Variants in CTDSPL2 observed in about 807,000 individuals in gnomAD.
CTDSPL2 encodes the protein CTD small phosphatase like 2.
In CTDSPL2, 5 loss-of-function variants were observed where a neutral mutation model predicts 60.0. The observed-to-expected ratio is 0.08, with a 90% CI of 0.04 to 0.18. CTDSPL2 has a LOEUF of 0.18. Ranked by LOEUF, CTDSPL2 falls within the 10% of genes least tolerant of loss-of-function variation. The pLI is 1.00. For missense variants in CTDSPL2, 370 were observed against 548.8 expected (o/e 0.67, Z 3.26); for synonymous variants, 186 against 189.3 (o/e 0.98, Z 0.14).
At chr15:44,453,282 A>G (rs2080366679) in intron 1 of CTDSPL2, among the ~76,000 whole-genome samples, 1 of 152,086 alleles carries the variant, frequency 6.6e-6, no homozygotes, top group African/African-American at 2.4e-5. Context: ...GGTTTTTCAT[A>G]AATACCTTTT....
chr15:44,470,972 C>A (rs752784344), intron 2 of CTDSPL2, among the ~76,000 whole-genome samples: 2 of 152,168 alleles, frequency 1.3e-5, no homozygotes, highest in East Asian at 3.9e-4. Context: ...TACACCTGTT[C>A]AAAGTGTTTG....
intron 4 of CTDSPL2, among the ~76,000 whole-genome samples, chr15:44,489,078 T>A (rs1351582449): frequency 6.6e-6 from 1 of 152,034 alleles, no homozygotes; most frequent in Non-Finnish European, 1.5e-5. Context: ...TCTGTCTCTC[T>A]CTCCCCACCC....
At chr15:44,509,082 T>C (rs1358647905) in intron 8 of CTDSPL2, among the ~76,000 whole-genome samples, 1 of 152,248 alleles carries the variant, frequency 6.6e-6, no homozygotes, top group African/African-American at 2.4e-5. Flanking sequence ...TTACTAAGTA[T>C]ATAACTTGAA....
At chr15:44,509,278 T>A (rs2081525400) in intron 8 of CTDSPL2, among the ~76,000 whole-genome samples, 1 of 152,124 alleles carries the variant, frequency 6.6e-6, no homozygotes, top group African/African-American at 2.4e-5. Flanking sequence ...CTCAGCTCAG[T>A]GCAACCTCCA....
At chr15:44,493,826 C>T (rs912844241) in intron 5 of CTDSPL2, among the ~76,000 whole-genome samples, 1 of 151,942 alleles carries the variant, frequency 6.6e-6, no homozygotes, top group Non-Finnish European at 1.5e-5. Context: ...TAAAAATATT[C>T]TTTCATCTGA....
At chr15:44,460,369 A>G (rs762401502) in intron 2 of CTDSPL2, among the ~76,000 whole-genome samples, 19 of 152,088 alleles carry the variant, frequency 1.2e-4, no homozygotes, top group Non-Finnish European at 2.2e-4. Context: ...CGGCCTCCCA[A>G]AGTGCTGGGA....
chr15:44,480,643 G>A lies in CTDSPL2; in HGVS notation c.187-3581G>A, dbSNP rs916980856. 2.6e-5 allele frequency among the ~76,000 whole-genome samples: 4 copies of A among 151,992 alleles called. 1 individual carries two copies. The highest frequency in any genetic ancestry group is 9.7e-5 in the African/African-American group (4 of 41,374). On this transcript the variant is annotated intron_variant, in intron 2 of 12. Coordinates refer to ENST00000260327, the MANE Select transcript of CTDSPL2 (RefSeq NM_016396.3). ...AGGCTAGGAGTTTGAGACCAGCCTG[G>A]GCAACATAGCGAGACCCTGTCTCTA...
Position 44,528,391 on chromosome 15 carries a change from A to C in CTDSPL2, c.*4217A>C, listed in dbSNP as rs2081903389. ...TTGTTTTGTTTTGTTTTTTCTTTAA[A>C]GCTCTCCTGGTGATTCTAATAGCCA... On this transcript the variant is annotated 3_prime_UTR_variant, in exon 13 of 13. Coordinates refer to ENST00000260327, the MANE Select transcript of CTDSPL2 (RefSeq NM_016396.3). The C allele has an allele frequency of 6.6e-6, 1 of 151,254 alleles. No individual in the cohort carries two copies. Among genetic ancestry groups the C allele is most frequent in the Non-Finnish European group, 1.5e-5 (1 of 67,858 alleles). 9.4% of individuals were successfully genotyped at this position (151,254 alleles called of 1,614,324 possible).
chr15:44,475,148 A>G (rs1005129776), intron 2 of CTDSPL2, among the ~76,000 whole-genome samples: 4 of 151,964 alleles, frequency 2.6e-5, no homozygotes, highest in African/African-American at 7.2e-5. Context: ...ACAATTCTCT[A>G]CATACTAGAT....
At chr15:44,450,741 G>A (rs1046354822) in intron 1 of CTDSPL2, among the ~76,000 whole-genome samples, 2 of 151,428 alleles carry the variant, frequency 1.3e-5, no homozygotes, top group African/African-American at 4.9e-5. Flanking sequence ...GATTACAGGC[G>A]CCTGCCACCA....
intron 6 of CTDSPL2, 135 bp downstream of exon 6, chr15:44,496,593 G>A (rs2081304327): frequency 1.5e-6 from 1 of 664,380 alleles, no homozygotes; most frequent in Non-Finnish European, 2.6e-6. Flanking sequence ...TAATGGGGCT[G>A]GGTGCAGTGG....
At chr15:44,486,177 G>A (rs775897810) in intron 3 of CTDSPL2, among the ~76,000 whole-genome samples, 10 of 152,152 alleles carry the variant, frequency 6.6e-5, no homozygotes, top group Non-Finnish European at 1.3e-4. Context: ...AATTAGAACC[G>A]TCCTAGAATG....
In CTDSPL2 at chr15:44,505,379, C is replaced by T. The variant is rs905445628; in HGVS notation, c.969+5566C>T. Among the ~76,000 whole-genome samples, 16 of 151,768 alleles carry T rather than the reference C, an allele frequency of 1.1e-4. No homozygotes were observed. In the East Asian group the frequency reaches 2.5e-3, roughly 24 times the overall value. On this transcript the variant is annotated intron_variant, in intron 8 of 12. Coordinates refer to ENST00000260327, the MANE Select transcript of CTDSPL2 (RefSeq NM_016396.3). ...TTCAGGCCCTAGTGAGCTGTGATCACGCCACTGCACTCCACCCTGGGTGAC... is the reference window on the plus strand; with the variant it reads ...TTCAGGCCCTAGTGAGCTGTGATCATGCCACTGCACTCCACCCTGGGTGAC...
rs1286317182 is a variant in CTDSPL2, at chr15:44,486,594, T to C, written c.369T>C (p.Asn123=). 1.3e-6 allele frequency: 2 copies of C among 1,589,816 alleles called. No homozygotes were observed. The highest frequency in any genetic ancestry group is 1.8e-5 in the Admixed American group (1 of 54,842). ...YEMTNQHVKQ[N]GKLEDNPSSG... ...TGACAAATCAACATGTAAAACAAAATGGAAAATTAGAAGATAATCCTTCCT... is the reference window on the plus strand; with the variant it reads ...TGACAAATCAACATGTAAAACAAAACGGAAAATTAGAAGATAATCCTTCCT... The change falls in exon 4 of 13, where the codon AAT becomes AAC. Residue 123 remains asparagine, a synonymous_variant. Coordinates refer to ENST00000260327, the MANE Select transcript of CTDSPL2 (RefSeq NM_016396.3).
At chr15:44,444,836 GTTTTTTT>G (rs35160726) in intron 1 of CTDSPL2, among the ~76,000 whole-genome samples, 44 of 69,608 alleles carry the variant, frequency 6.3e-4, no homozygotes, top group African/African-American at 2.2e-3. Context: ...ATGGAATGTA[GTTTTTTT>G]TTTTTTTTTT....
At chr15:44,489,712 A>G (rs991315576) in intron 4 of CTDSPL2, among the ~76,000 whole-genome samples, 1 of 152,220 alleles carries the variant, frequency 6.6e-6, no homozygotes, top group East Asian at 1.9e-4. Context: ...ACTAGAAAAA[A>G]TACTGTGTTA....
At chr15:44,492,474 CTA>C (rs1418116701) in intron 5 of CTDSPL2, among the ~76,000 whole-genome samples, 2 of 152,080 alleles carry the variant, frequency 1.3e-5, no homozygotes, top group Non-Finnish European at 2.9e-5. Flanking sequence ...GCATTTTGAC[CTA>C]TGATATTTGT....
chr15:44,441,769 G>C (rs546932681), intron 1 of CTDSPL2, among the ~76,000 whole-genome samples: 1 of 152,208 alleles, frequency 6.6e-6, no homozygotes, highest in South Asian at 2.1e-4. Flanking sequence ...TGTTAGGCTG[G>C]TGGTGGCATT....
chr15:44,463,117 G>A (rs548550814), intron 2 of CTDSPL2, among the ~76,000 whole-genome samples: 2 of 152,130 alleles, frequency 1.3e-5, no homozygotes, highest in South Asian at 4.1e-4. Flanking sequence ...ATAAGATCGG[G>A]CAAAAATCTG....
Sources: allele counts gnomAD v4.1 joint callset (sites outside exome capture counted in the v4.1 genomes callset), GRCh38; gene constraint gnomAD v4.1.1; transcripts MANE v1.5; gene names NCBI Gene and HGNC (gene_info 2026-07-23, HGNC 2026-07-21).